The following GOLM1 variants were observed in gnomAD, a reference collection of about 807,000 sequenced individuals.
GOLM1 encodes golgi membrane protein 1.
GOLM1 carries 31 observed loss-of-function variants against 50.5 expected under a neutral mutation model. The ratio of observed to expected loss-of-function variants is 0.61; its 90% CI spans 0.46 to 0.83. The LOEUF (loss-of-function observed/expected upper bound fraction) is 0.83. GOLM1 is among the 40% of genes least tolerant of loss of function. The pLI is 0.00. For synonymous variants in GOLM1, 178 were observed against 192.8 expected (o/e 0.92, Z 0.64); for missense variants, 491 against 501.3 (o/e 0.98, Z 0.20).
chr9:86,035,886 A>AAAAC (rs1833123036), intron 7 of GOLM1, among the ~76,000 whole-genome samples: 2 of 148,644 alleles, frequency 1.3e-5, no homozygotes, highest in African/African-American at 5.0e-5. Context: ...AACAAAACAA[A>AAAAC]AAAAAAAAAA....
intron 1 of GOLM1, among the ~76,000 whole-genome samples, chr9:86,089,054 G>T (rs1835089175): frequency 6.6e-6 from 1 of 152,122 alleles, no homozygotes; most frequent in African/African-American, 2.4e-5. Context: ...ATTCCGGGTT[G>T]AAAGTTCTTT....
Position 86,026,881 on chromosome 9 carries a change from C to G in GOLM1, c.*936G>C, listed in dbSNP as rs961844326. ...CTGTTTTTCTAAACAGTCCTAATTTCTAACACTGTATATATCCTTCGACAT... is the reference window on the plus strand; with the variant it reads ...CTGTTTTTCTAAACAGTCCTAATTTGTAACACTGTATATATCCTTCGACAT... On this transcript the variant is annotated 3_prime_UTR_variant, in exon 10 of 10. Transcript: ENST00000388712. 27 of 983,910 alleles carry G rather than the reference C, an allele frequency of 2.7e-5. No homozygotes were observed. The highest frequency in any genetic ancestry group is 3.3e-5 in the Non-Finnish European group (27 of 828,718). 60.9% of individuals were successfully genotyped at this position (983,910 alleles called of 1,614,324 possible). A position where few individuals can be genotyped will look rare whatever the true frequency, so the allele number is the denominator to read the frequency against.
chr9:86,039,413 T>C (rs1362441082), intron 6 of GOLM1, among the ~76,000 whole-genome samples: 3 of 152,176 alleles, frequency 2.0e-5, no homozygotes, highest in African/African-American at 2.4e-5. Context: ...AGGTTAAATA[T>C]AGATTACCAT....
intron 1 of GOLM1, among the ~76,000 whole-genome samples, chr9:86,089,220 CT>C (rs1835095783): frequency 6.6e-6 from 1 of 152,168 alleles, no homozygotes; most frequent in African/African-American, 2.4e-5. Flanking sequence ...CTTGGTGAAT[CT>C]GACAATTATG....
At chr9:86,087,675 CT>C (rs1442463610) in intron 1 of GOLM1, among the ~76,000 whole-genome samples, 1 of 152,128 alleles carries the variant, frequency 6.6e-6, no homozygotes, top group Non-Finnish European at 1.5e-5. Flanking sequence ...GATCGAAGGC[CT>C]TTTCTGCATC....
intron 3 of GOLM1, among the ~76,000 whole-genome samples, chr9:86,068,501 A>C (rs1326209045): frequency 6.6e-6 from 1 of 152,272 alleles, no homozygotes; most frequent in East Asian, 1.9e-4. Flanking sequence ...TGGAAAAGGG[A>C]GTGTAGGTGT....
chr9:86,033,127 G>A (rs1454559284), intron 9 of GOLM1, among the ~76,000 whole-genome samples, 155 bp downstream of exon 9: 1 of 152,080 alleles, frequency 6.6e-6, no homozygotes, highest in African/African-American at 2.4e-5. Context: ...TCCCTCCACT[G>A]CCCCTGGTTT....
chr9:86,053,547 A>C (rs114453725), intron 3 of GOLM1, among the ~76,000 whole-genome samples: 3 of 382 alleles, frequency 7.9e-3, no homozygotes, highest in African/African-American at 0.014. Context: ...AACCACACCA[A>C]ACACACACTA....
In GOLM1 at chr9:86,053,822, C is replaced by CACCAA. The variant is rs552867780; in HGVS notation, c.310-1236_310-1232dup. 1.4e-3 allele frequency among the ~76,000 whole-genome samples: 206 copies of CACCAA among 149,070 alleles called. 5 individuals are homozygous for CACCAA. In the South Asian group the frequency reaches 0.044, roughly 32 times the overall value. ...ACAACACCATACACCACACATCACA[C>CACCAA]ACCAAACCAAACCACACCACACCAC... On this transcript the variant is annotated intron_variant, in intron 3 of 9. Coordinates refer to ENST00000388712, the MANE Select transcript of GOLM1 (RefSeq NM_016548.4).
At chr9:86,043,578 G>C (rs1454537904) in intron 5 of GOLM1, among the ~76,000 whole-genome samples, 1 of 152,168 alleles carries the variant, frequency 6.6e-6, no homozygotes, top group Non-Finnish European at 1.5e-5. Flanking sequence ...AGAAAGTGAA[G>C]AATAACTAGC....
At chr9:86,038,371 A>G (rs1396351888) in intron 6 of GOLM1, among the ~76,000 whole-genome samples, 1 of 151,950 alleles carries the variant, frequency 6.6e-6, no homozygotes, top group Non-Finnish European at 1.5e-5. Context: ...ATTCTCCTTA[A>G]CCAGGCCGGC....
chr9:86,034,791 G>T (rs1833083535), intron 8 of GOLM1, among the ~76,000 whole-genome samples: 1 of 152,192 alleles, frequency 6.6e-6, no homozygotes, highest in Non-Finnish European at 1.5e-5. Context: ...AGGTGGGAAG[G>T]ACATTTTCCA....
At chr9:86,073,940 T>C (rs1834529786) in intron 3 of GOLM1, among the ~76,000 whole-genome samples, 1 of 152,204 alleles carries the variant, frequency 6.6e-6, no homozygotes, top group Non-Finnish European at 1.5e-5. Flanking sequence ...AATTTCATTA[T>C]GAACAGGTGT....
intron 3 of GOLM1, among the ~76,000 whole-genome samples, chr9:86,066,630 T>C (rs1229155321): frequency 1.3e-5 from 2 of 152,190 alleles, no homozygotes; most frequent in Admixed American, 6.5e-5. Context: ...AAAGTATAAA[T>C]GTCAAAGTGG....
At chr9:86,068,643 G>C (rs544101795) in intron 3 of GOLM1, among the ~76,000 whole-genome samples, 19 of 152,370 alleles carry the variant, frequency 1.2e-4, no homozygotes, top group Admixed American at 1.0e-3. Context: ...GTGCAGAGTA[G>C]AGACAACCCG....
intron 3 of GOLM1, among the ~76,000 whole-genome samples, chr9:86,075,742 A>G (rs1834590907): frequency 6.6e-6 from 1 of 152,180 alleles, no homozygotes; most frequent in South Asian, 2.1e-4. Flanking sequence ...CTGTGGAAAC[A>G]GATTCTCTTT....
At position 86,035,416 on chromosome 9, in the gene GOLM1, G is replaced by A. The variant is rs374037649; in HGVS notation, c.967C>T (p.Leu323Phe). 2.5e-6 allele frequency: 4 copies of A among 1,613,844 alleles called. No individual in the cohort carries two copies. The African/African-American group carries it at 5.3e-5, about 22-fold the overall frequency. The change falls in exon 8 of 10, where the codon CTT becomes TTT. Residue 323 changes from leucine (L) to phenylalanine (F), a missense_variant. Physicochemically the swap from Leu to Phe is conservative, Grantham distance 22. Coordinates refer to ENST00000388712, the MANE Select transcript of GOLM1 (RefSeq NM_016548.4). The part of the protein sequence containing the change: ...PEMEGPERDQ[L>F]VIPDGQEEEQ... ...TCCTCCTGTCCGTCGGGGATGACAA[G>A]CTGGTCTCGCTCAGGGCCCTCCATC...
intron 3 of GOLM1, among the ~76,000 whole-genome samples, chr9:86,062,734 G>C (rs1265090248): frequency 6.6e-6 from 1 of 151,434 alleles, no homozygotes; most frequent in Non-Finnish European, 1.5e-5. Context: ...CAAACGGGGG[G>C]GGCTGCCCTT....
intron 3 of GOLM1, among the ~76,000 whole-genome samples, chr9:86,060,708 GTC>G (rs1834128049): frequency 6.6e-6 from 1 of 151,466 alleles, no homozygotes; most frequent in African/African-American, 2.4e-5. Flanking sequence ...GAGAAGCCCC[GTC>G]TCTACTAAAA....
Sources: gnomAD v4.1 joint callset for allele counts (sites outside exome capture counted in the v4.1 genomes callset) on GRCh38, gnomAD v4.1.1 for gene constraint, MANE v1.5 for transcripts, NCBI Gene and HGNC (gene_info 2026-07-23, HGNC 2026-07-21) for gene names.